Variants in FAM20B observed in about 807,000 individuals in gnomAD.
The protein encoded by FAM20B is glycosaminoglycan xylosylkinase.
Under a neutral mutation model 43.8 loss-of-function variants are expected in FAM20B, and 23 were observed. The observed-to-expected ratio is 0.53, with a 90% CI of 0.38 to 0.74. The LOEUF is 0.74. Among genes scored for constraint, FAM20B ranks in the 30% least tolerant of loss-of-function variants. The pLI is 0.00. For synonymous variants in FAM20B, 178 were observed against 192.4 expected (o/e 0.93, Z 0.62); for missense variants, 440 against 510.5 (o/e 0.86, Z 1.33).
chr1:179,018,607 C>T, the FAM20B span, among the ~76,000 whole-genome samples: 1 of 151,950 alleles, frequency 6.6e-6, no homozygotes, highest in Admixed American at 6.6e-5. Flanking sequence ...ATGCCCGGCC[C>T]CAAAGATCTT....
At chr1:179,052,343 C>G (rs1049046540) in intron 3 of FAM20B, among the ~76,000 whole-genome samples, 6 of 152,016 alleles carry the variant, frequency 3.9e-5, no homozygotes, top group African/African-American at 1.2e-4. Flanking sequence ...AGATGAGATA[C>G]TGTTTTTACC....
At chr1:179,038,323 A>C (rs563307143) in intron 1 of FAM20B, among the ~76,000 whole-genome samples, 2 of 151,952 alleles carry the variant, frequency 1.3e-5, no homozygotes, top group South Asian at 4.1e-4. Flanking sequence ...AGGCAGGAGA[A>C]TCGCTTGAAC....
intron 1 of FAM20B, among the ~76,000 whole-genome samples, chr1:179,041,671 G>A (rs200357462): frequency 1.2e-4 from 17 of 141,146 alleles, no homozygotes; most frequent in Admixed American, 1.2e-3. Flanking sequence ...TGGGAGACAG[G>A]GAGGGAGAGG....
intron 1 of FAM20B, among the ~76,000 whole-genome samples, chr1:179,037,196 C>T (rs574225433): frequency 5.6e-4 from 86 of 152,280 alleles, no homozygotes; most frequent in Admixed American, 2.0e-4. Flanking sequence ...CCTGGAGGCT[C>T]AGGCATCAGT....
At chr1:179,064,206 CAG>C (rs1651596776) in intron 5 of FAM20B, 97 bp from the exon 6 acceptor site, 9 of 1,411,756 alleles carry the variant, frequency 6.4e-6, no homozygotes, top group Middle Eastern at 3.9e-4. Context: ...ACTGTGGAGT[CAG>C]GGGCAAACCG....
rs1166450044 is a variant in FAM20B at position 179,074,550 on chromosome 1, C to T, written c.*2406C>T. The T allele has an allele frequency of 1.3e-5, 2 of 152,136 alleles. No individual in the cohort carries two copies. The highest frequency in any genetic ancestry group is 2.9e-5 in the Non-Finnish European group (2 of 68,022). 9.4% of individuals were successfully genotyped at this position (152,136 alleles called of 1,614,324 possible). ...ATAACATTGAAGGCAGAAGATTCTG[C>T]TAAGGAAAAAAGCAGGCAGGAAAGA... On this transcript the variant is annotated 3_prime_UTR_variant, in exon 8 of 8. Coordinates refer to ENST00000263733, the MANE Select transcript of FAM20B (RefSeq NM_014864.4).
chr1:179,041,403 C>T (rs888343541), intron 1 of FAM20B, among the ~76,000 whole-genome samples: 6 of 152,082 alleles, frequency 3.9e-5, no homozygotes, highest in Non-Finnish European at 5.9e-5. Flanking sequence ...TCTGCAATCC[C>T]GGCACGTCTG....
At chr1:179,036,725 G>T (rs1650245190) in intron 1 of FAM20B, among the ~76,000 whole-genome samples, 1 of 152,112 alleles carries the variant, frequency 6.6e-6, no homozygotes, top group Non-Finnish European at 1.5e-5. Flanking sequence ...TCATTCTAAG[G>T]AGCCAAGATT....
intron 1 of FAM20B, among the ~76,000 whole-genome samples, chr1:179,027,321 A>T (rs1649829594): frequency 2.0e-5 from 3 of 152,250 alleles, no homozygotes; most frequent in Admixed American, 6.5e-5. Flanking sequence ...CTTATGTATT[A>T]CAAACATTCC....
At chr1:179,047,586 T>C (rs944266973) in intron 2 of FAM20B, among the ~76,000 whole-genome samples, 2 of 152,232 alleles carry the variant, frequency 1.3e-5, no homozygotes, top group African/African-American at 2.4e-5. Flanking sequence ...AAGGTTTTTT[T>C]TGGCCCCTGC....
intron 1 of FAM20B, among the ~76,000 whole-genome samples, chr1:179,038,317 A>T (rs543457363): frequency 6.6e-6 from 1 of 151,560 alleles, no homozygotes; most frequent in Non-Finnish European, 1.5e-5. Flanking sequence ...AGGCTGAGGC[A>T]GGAGAATCGC....
At chr1:179,065,879 T>G (rs1651669993) in intron 6 of FAM20B, among the ~76,000 whole-genome samples, 1 of 152,214 alleles carries the variant, frequency 6.6e-6, no homozygotes, top group Non-Finnish European at 1.5e-5. Context: ...GCCAGCAGAT[T>G]CAGTGTCTGG....
intron 4 of FAM20B, among the ~76,000 whole-genome samples, chr1:179,055,471 A>T (rs1651175455): frequency 6.6e-6 from 1 of 152,206 alleles, no homozygotes; most frequent in Non-Finnish European, 1.5e-5. Flanking sequence ...CTTATGACAG[A>T]TTCATCATTC....
chr1:179,051,590 G>A (rs954921912), intron 3 of FAM20B, among the ~76,000 whole-genome samples: 4 of 152,096 alleles, frequency 2.6e-5, no homozygotes, highest in Admixed American at 2.6e-4. Flanking sequence ...TCACACCACT[G>A]CACTCCAGCC....
At chr1:179,039,287 G>A (rs1034671553) in intron 1 of FAM20B, among the ~76,000 whole-genome samples, 2 of 152,148 alleles carry the variant, frequency 1.3e-5, no homozygotes, top group Non-Finnish European at 2.9e-5. Flanking sequence ...CAAGTGAGAC[G>A]GAATTGTATG....
chr1:179,066,853 G>C lies in FAM20B; in HGVS notation c.992G>C (p.Cys331Ser). Reference sequence around the variant, plus strand: ...AGCATTCTTGCCCCTCTCTATCAGTGTTGCATGTAAGTTATGCACAGCAAA... The same window carrying C: ...AGCATTCTTGCCCCTCTCTATCAGTCTTGCATGTAAGTTATGCACAGCAAA... ...ERSILAPLYQCCIIRVSTWNR... is the reference protein window; with the variant it reads ...ERSILAPLYQSCIIRVSTWNR... Residue 331 changes from cysteine to serine, a missense_variant, in exon 7 of 8, where the codon TGT (cysteine) becomes TCT (serine). By Grantham distance (112) the Cys-to-Ser change is moderately radical. Coordinates refer to ENST00000263733, the MANE Select transcript of FAM20B (RefSeq NM_014864.4). 1 of 1,610,060 alleles carries C rather than the reference G, an allele frequency of 6.2e-7. No homozygotes were observed. The highest frequency in any genetic ancestry group is 8.5e-7 in the Non-Finnish European group (1 of 1,176,296).
Position 179,072,954 on chromosome 1 carries a change from A to G in FAM20B, c.*810A>G, listed in dbSNP as rs1651989668. On this transcript the variant is annotated 3_prime_UTR_variant, in exon 8 of 8. Transcript: ENST00000263733. ...CCAAAAAGTTGTCTCTAGAGAAAATACTATTACAATCTAAGCATGATTCTC... is the reference window on the plus strand; with the variant it reads ...CCAAAAAGTTGTCTCTAGAGAAAATGCTATTACAATCTAAGCATGATTCTC... 6.6e-6 allele frequency: 1 copy of G among 152,188 alleles called. No homozygotes were observed. The highest frequency in any genetic ancestry group is 1.5e-5 in the Non-Finnish European group (1 of 68,008). The allele number at this position is 152,188 out of a possible 1,614,324, so 9.4% of individuals were successfully genotyped here. A position where few individuals can be genotyped will look rare whatever the true frequency, so the allele number is the denominator to read the frequency against.
intron 1 of FAM20B, among the ~76,000 whole-genome samples, chr1:179,029,014 GC>G (rs1262045719): frequency 6.6e-6 from 1 of 152,230 alleles, no homozygotes; most frequent in African/African-American, 2.4e-5. Context: ...CCTGGCAGTA[GC>G]CTGTGCAGGT....
intron 7 of FAM20B, among the ~76,000 whole-genome samples, chr1:179,069,395 G>T (rs953004776): frequency 6.6e-6 from 1 of 152,138 alleles, no homozygotes; most frequent in Non-Finnish European, 1.5e-5. Flanking sequence ...TTTTGAGATG[G>T]AGTCTCGCTC....
Sources: allele counts gnomAD v4.1 joint callset (sites outside exome capture counted in the v4.1 genomes callset), GRCh38; gene constraint gnomAD v4.1.1; transcripts MANE v1.5; gene names NCBI Gene and HGNC (gene_info 2026-07-23, HGNC 2026-07-21).